Variants in FBXL13 observed in about 807,000 individuals in gnomAD.
FBXL13 encodes F-box and leucine-rich repeat protein 13.
A neutral mutation model predicts 83.6 loss-of-function variants in FBXL13; 67 were observed. The observed-to-expected ratio is 0.80, with a 90% CI of 0.66 to 0.98. FBXL13 has a LOEUF of 0.98. Among genes scored for constraint, FBXL13 ranks in the 50% least tolerant of loss-of-function variants. The pLI is 0.00. For synonymous variants in FBXL13, 272 were observed against 299.5 expected (o/e 0.91, Z 0.95); for missense variants, 822 against 866.5 (o/e 0.95, Z 0.64).
chr7:102,898,604 A>C (rs1812574729), intron 11 of FBXL13, among the ~76,000 whole-genome samples: 1 of 151,738 alleles, frequency 6.6e-6, no homozygotes, highest in Non-Finnish European at 1.5e-5. Context: ...TTTCTGTATT[A>C]TATTTTGGCC....
chr7:102,865,694 A>C (rs1160500997), intron 16 of FBXL13, among the ~76,000 whole-genome samples: 1 of 151,680 alleles, frequency 6.6e-6, no homozygotes, highest in East Asian at 1.9e-4. Context: ...GGCACGCGCC[A>C]CCATACCTGG....
At chr7:103,000,281 G>C (rs1790256683) in intron 6 of FBXL13, among the ~76,000 whole-genome samples, 2 of 152,164 alleles carry the variant, frequency 1.3e-5, no homozygotes, top group African/African-American at 4.8e-5. Context: ...GAAAGGCCAA[G>C]GCAGGAGGAT....
At chr7:102,949,291 T>C (rs767993164) in intron 8 of FBXL13, among the ~76,000 whole-genome samples, 22 of 152,130 alleles carry the variant, frequency 1.4e-4, no homozygotes, top group Non-Finnish European at 2.4e-4. Flanking sequence ...TTTATTTTAA[T>C]TTCAAGGGTA....
chr7:102,984,365 CCTAT>C (rs1828679701), intron 6 of FBXL13, among the ~76,000 whole-genome samples: 2 of 152,110 alleles, frequency 1.3e-5, no homozygotes, highest in South Asian at 4.1e-4. Flanking sequence ...TATTTATCTA[CCTAT>C]CTATCCATCC....
intron 8 of FBXL13, chr7:102,934,640 C>T (rs1238262987): frequency 2.5e-6 from 4 of 1,607,224 alleles, no homozygotes; most frequent in Admixed American, 1.7e-5. Context: ...AACTTTTTGC[C>T]ACAATTATGT....
chr7:103,012,339 C>A (rs1250050160), intron 6 of FBXL13, among the ~76,000 whole-genome samples: 3 of 149,026 alleles, frequency 2.0e-5, no homozygotes, highest in Non-Finnish European at 4.4e-5. Flanking sequence ...TGTGCCATTG[C>A]ACTCCAGCCT....
intron 6 of FBXL13, among the ~76,000 whole-genome samples, chr7:103,003,186 A>G (rs1790581771): frequency 6.7e-6 from 1 of 150,118 alleles, no homozygotes; most frequent in Non-Finnish European, 1.5e-5. Context: ...TGCTATTGAG[A>G]GCCTCTAATG....
intron 1 of FBXL13, among the ~76,000 whole-genome samples, chr7:103,063,374 T>C (rs547686112): frequency 2.4e-3 from 373 of 152,350 alleles, no homozygotes; most frequent in African/African-American, 8.4e-3. Context: ...CTAAAGATGA[T>C]TTAAAGTATA....
chr7:103,013,821 A>C (rs547141659), intron 6 of FBXL13, among the ~76,000 whole-genome samples: 18 of 152,264 alleles, frequency 1.2e-4, no homozygotes, highest in Admixed American at 4.6e-4. Flanking sequence ...GCAAAAAAAA[A>C]CCATACAAAA....
At chr7:102,957,651 T>C (rs1321627403) in intron 8 of FBXL13, among the ~76,000 whole-genome samples, 1 of 151,914 alleles carries the variant, frequency 6.6e-6, no homozygotes, top group Non-Finnish European at 1.5e-5. Flanking sequence ...AAAGGGCTAA[T>C]ATACAGAATC....
chr7:102,973,600 G>A, intron 6 of FBXL13: 1 of 765,928 alleles, frequency 1.3e-6, no homozygotes, highest in South Asian at 1.3e-5. Flanking sequence ...AGTTTGAACG[G>A]ATACAAGAAT....
chr7:103,023,137 G>A (rs567700535), intron 6 of FBXL13, among the ~76,000 whole-genome samples: 38 of 152,238 alleles, frequency 2.5e-4, no homozygotes, highest in Admixed American at 2.0e-4. Context: ...TTAGCCGGGC[G>A]TGGTGGCGGG....
chr7:103,022,296 C>T (rs1271855720), intron 6 of FBXL13, among the ~76,000 whole-genome samples: 1 of 149,970 alleles, frequency 6.7e-6, no homozygotes, highest in Admixed American at 6.7e-5. Flanking sequence ...CACATGGACA[C>T]AGGATGGGGA....
At chr7:102,929,782 CTGT>C (rs1237359659) in intron 9 of FBXL13, among the ~76,000 whole-genome samples, 3 of 151,402 alleles carry the variant, frequency 2.0e-5, no homozygotes, top group African/African-American at 7.3e-5. Context: ...GGCATGGGTT[CTGT>C]TAGGGGTGAG....
chr7:102,832,794 G>T (rs1156809910), intron 18 of FBXL13, 46 bp downstream of exon 19: 40 of 1,610,226 alleles, frequency 2.5e-5, no homozygotes, highest in Non-Finnish European at 3.1e-5. Context: ...TTGTCCCTTG[G>T]CAGTGCTTAA....
At chr7:102,833,116 A>G (rs990265702) in intron 17 of FBXL13, 142 bp from the exon 19 acceptor site, 3 of 840,584 alleles carry the variant, frequency 3.6e-6, no homozygotes, top group African/African-American at 1.7e-5. Flanking sequence ...AATTTAAAAA[A>G]CCCATGTTAC....
chr7:102,958,201 G>T (rs1200565237), intron 8 of FBXL13, among the ~76,000 whole-genome samples: 2 of 152,136 alleles, frequency 1.3e-5, no homozygotes. Context: ...GGAATACTAT[G>T]CAGCCATAAA....
At chr7:103,068,487 C>G (rs540540339) in intron 1 of FBXL13, among the ~76,000 whole-genome samples, 1 of 152,116 alleles carries the variant, frequency 6.6e-6, no homozygotes, top group Non-Finnish European at 1.5e-5. Context: ...GACCCTGCTA[C>G]AACAACTAGA....
exon 5 of FBXL13, chr7:103,027,497 T>C (rs1794066563): frequency 6.2e-7 from 1 of 1,613,288 alleles, no homozygotes; most frequent in Non-Finnish European, 8.5e-7. Flanking sequence ...TATTCCGCCA[T>C]TTTGTTAGGA....
Sources: gnomAD v4.1 joint callset for allele counts (sites outside exome capture counted in the v4.1 genomes callset) on GRCh38, gnomAD v4.1.1 for gene constraint, MANE v1.5 for transcripts, NCBI Gene and HGNC (gene_info 2026-07-23, HGNC 2026-07-21) for gene names.